The following CPLANE1 variants were observed in gnomAD, a reference collection of about 807,000 sequenced individuals.
CPLANE1 encodes the protein ciliogenesis and planar polarity effector 1.
CPLANE1 carries 263 observed loss-of-function variants against 362.5 expected under a neutral mutation model. The ratio of observed to expected loss-of-function variants is 0.73; its 90% CI spans 0.66 to 0.80. The LOEUF is 0.80. CPLANE1 is among the 30% of genes least tolerant of loss of function. The pLI is 0.00. For missense variants in CPLANE1, 3,461 were observed against 3,793.4 expected (o/e 0.91, Z 2.30); for synonymous variants, 1,212 against 1,302.6 (o/e 0.93, Z 1.50).
At chr5:37,174,302 AT>A (rs1290868342) in intron 31 of CPLANE1, among the ~76,000 whole-genome samples, 1 of 152,204 alleles carries the variant, frequency 6.6e-6, no homozygotes, top group East Asian at 1.9e-4. Flanking sequence ...AGACTTCACA[AT>A]TTGTAATTTG....
chr5:37,229,931 C>T (rs1166968145), intron 9 of CPLANE1, among the ~76,000 whole-genome samples: 5 of 152,092 alleles, frequency 3.3e-5, no homozygotes, highest in African/African-American at 1.2e-4. Context: ...ACTTCTAGCA[C>T]TTTGGGAGGC....
Position 37,164,341 on chromosome 5 carries a change from C to G in CPLANE1, c.7534-14G>C. 6.2e-7 allele frequency: 1 copy of G among 1,604,684 alleles called. No individual in the cohort carries two copies. Among genetic ancestry groups the G allele is most frequent in the Non-Finnish European group, 8.5e-7 (1 of 1,172,204 alleles). ...TTCTTGTTGTTCCTAAATGAATTCC[C>G]ACAGGATTACTCTATGATTAACTCA... On this transcript the variant is annotated splice_polypyrimidine_tract_variant and intron_variant, in intron 36 of 52. Transcript: ENST00000651892.
chr5:37,120,134 T>G, intron 50 of CPLANE1, 82 bp downstream of exon 50: 1 of 1,376,400 alleles, frequency 7.3e-7, no homozygotes. Flanking sequence ...GACTTATACC[T>G]TTTACTAATG....
chr5:37,078,487 T>G, the CPLANE1 span, among the ~76,000 whole-genome samples: 1 of 152,218 alleles, frequency 6.6e-6, no homozygotes, highest in African/African-American at 2.4e-5. Context: ...TATTTGCTAT[T>G]GTGAATAGTG....
rs1791936075 is a variant in CPLANE1, at chr5:37,209,380, A to G, written c.2921-2955T>C. 14 of 1,136,350 alleles carry G rather than the reference A, an allele frequency of 1.2e-5. No individual in the cohort carries two copies. The highest frequency in any genetic ancestry group is 1.9e-5 in the Non-Finnish European group (14 of 747,060). 70.4% of individuals were successfully genotyped at this position (1,136,350 alleles called of 1,614,324 possible). A position where few individuals can be genotyped will look rare whatever the true frequency, so the allele number is the denominator to read the frequency against. On this transcript the variant is annotated intron_variant, in intron 16 of 52. Coordinates refer to ENST00000651892, the MANE Select transcript of CPLANE1 (RefSeq NM_001384732.1). This position sits in a 1 kb window ranked among gnomAD's most constrained non-coding sequence, Gnocchi z 4.6. ...TGACGGCTGATGATGGCTCAGTCCA[A>G]CATGCTCCCCGTGGCTGATGTGTTG...
chr5:37,177,806 G>T (rs1323266282), intron 29 of CPLANE1, 106 bp from the exon 30 acceptor site: 2 of 804,602 alleles, frequency 2.5e-6, no homozygotes, highest in African/African-American at 1.7e-5. Flanking sequence ...AGTAACAACA[G>T]TCTACAAGCA....
At chr5:37,234,004 T>A (rs1311923854) in intron 8 of CPLANE1, among the ~76,000 whole-genome samples, 1 of 152,054 alleles carries the variant, frequency 6.6e-6, no homozygotes, top group Non-Finnish European at 1.5e-5. Context: ...CATACAAAGA[T>A]TACACTACTA....
At chr5:37,110,897 T>C (rs1759040529) in intron 51 of CPLANE1, among the ~76,000 whole-genome samples, 1 of 143,820 alleles carries the variant, frequency 7.0e-6, no homozygotes, top group Non-Finnish European at 1.5e-5. Context: ...AACCTCTGCC[T>C]CCCGGGTTCA....
rs149756610 is a variant in CPLANE1, at chr5:37,110,773, T to C, written c.9401-2302A>G. On this transcript the variant is annotated intron_variant, in intron 51 of 52. Coordinates refer to ENST00000651892, the MANE Select transcript of CPLANE1 (RefSeq NM_001384732.1). ...AATTGGCCCAAGATGATGGAGATGA[T>C]CCACCCCAGAACCTGGGCTAATGTA... is the stretch of plus-strand genomic sequence containing the variant. Among the ~76,000 whole-genome samples the C allele has an allele frequency of 8.5e-3, 1,287 of 151,258 alleles. 67 individuals carry two copies. The highest frequency in any genetic ancestry group is 0.079 in the Admixed American group (1,195 of 15,142).
chr5:37,206,812 G>A (rs577803237), intron 16 of CPLANE1, among the ~76,000 whole-genome samples: 58 of 151,724 alleles, frequency 3.8e-4, no homozygotes, highest in Non-Finnish European at 6.0e-4. Context: ...ATTTATTACC[G>A]TGACATGGGT....
rs1320208777 is a variant in CPLANE1, at chr5:37,186,269, G to A, written c.4189+17C>T. The A allele has an allele frequency of 8.2e-7, 1 of 1,216,770 alleles. No homozygotes were observed. The highest frequency in any genetic ancestry group is 1.2e-6 in the Non-Finnish European group (1 of 833,440). 75.4% of individuals were successfully genotyped at this position (1,216,770 alleles called of 1,614,324 possible). A position where few individuals can be genotyped will look rare whatever the true frequency, so the allele number is the denominator to read the frequency against. On this transcript the variant is annotated intron_variant, in intron 24 of 52. Transcript: ENST00000651892. ...TGCAATTTATCTGTTAGCTATCTGA[G>A]AAACAACAAATAATACCTTTCACAA...
rs2150820141 is a variant in CPLANE1, at chr5:37,163,093, T to C, written c.7589-527A>G. Among the ~76,000 whole-genome samples, 3 of 152,034 alleles carry C rather than the reference T, an allele frequency of 2.0e-5. No homozygotes were observed. In the South Asian group the frequency reaches 6.2e-4, roughly 31 times the overall value. On this transcript the variant is annotated intron_variant, in intron 37 of 52. Coordinates refer to ENST00000651892, the MANE Select transcript of CPLANE1 (RefSeq NM_001384732.1). ...GTCCAGCTTAGAAACCTAGATATTCTTCTGGCTAATGAAGATCCAGTAGAA... is the reference window on the plus strand; with the variant it reads ...GTCCAGCTTAGAAACCTAGATATTCCTCTGGCTAATGAAGATCCAGTAGAA...
chr5:37,150,768 G>C (rs1000420229), intron 42 of CPLANE1, among the ~76,000 whole-genome samples: 2 of 152,202 alleles, frequency 1.3e-5, no homozygotes, highest in African/African-American at 2.4e-5. Context: ...ACCTGGTATA[G>C]AGCTAGCAGC....
In CPLANE1 at chr5:37,226,832, A is replaced by T. The variant is rs1796571939; in HGVS notation, c.1763T>A (p.Val588Glu). 6.5e-7 allele frequency: 1 copy of T among 1,550,262 alleles called. No homozygotes were observed. Among genetic ancestry groups the T allele is most frequent in the Admixed American group, 2.0e-5 (1 of 50,760 alleles). Reference sequence around the variant, plus strand: ...ATTTAACATTAAATTTTTTTCTGTCACAGTTTTTGAAATTCCTATAGTCCA... The same window carrying T: ...ATTTAACATTAAATTTTTTTCTGTCTCAGTTTTTGAAATTCCTATAGTCCA... ...AAWTIGISKT[V>E]TEKNLMLNYI... is the part of the protein sequence containing the mutation. Residue 588 changes from valine (V) to glutamate (E), a missense_variant, in exon 12 of 53, where the codon GTG becomes GAG. Coordinates refer to ENST00000651892, the MANE Select transcript of CPLANE1 (RefSeq NM_001384732.1).
rs1783124765 is a variant in CPLANE1 at position 37,183,141 on chromosome 5, T to A, written c.5040A>T (p.Leu1680Phe). 3.1e-6 allele frequency: 5 copies of A among 1,613,068 alleles called. No homozygotes were observed. The highest frequency in any genetic ancestry group is 1.7e-4 in the Middle Eastern group (1 of 6,052). Reference sequence around the variant, plus strand: ...GTATTTTGTAAATTGACCTTTGTTTTAAACCAAATAATCCACTCATTCCTT... The same window carrying A: ...GTATTTTGTAAATTGACCTTTGTTTAAAACCAAATAATCCACTCATTCCTT... ...KNEGMSGLFG[L>F]KQRSIYKIQD... Residue 1680 changes from leucine (L) to phenylalanine (F), a missense_variant, in exon 26 of 53, where the codon TTA becomes TTT. Physicochemically the swap from Leu to Phe is conservative, Grantham distance 22. Around this residue, in one of 2 missense-constraint regions of CPLANE1, gnomAD observed 3,380 missense variants for 3,666.1 expected, o/e 0.92. Transcript: ENST00000651892.
Position 37,223,017 on chromosome 5 carries a change from A to G in CPLANE1, c.2581+1236T>C, listed in dbSNP as rs185969666. Among the ~76,000 whole-genome samples the G allele has an allele frequency of 1.1e-4, 17 of 152,330 alleles. No individual in the cohort carries two copies. The East Asian group carries it at 2.9e-3, about 26-fold the overall frequency. On this transcript the variant is annotated intron_variant, in intron 14 of 52. Coordinates refer to ENST00000651892, the MANE Select transcript of CPLANE1 (RefSeq NM_001384732.1). ...CTTAACTGATTCCACTGTCTTCAAG[A>G]TAAAATCTTAATTCCTTACCACTCC...
At chr5:37,186,199 T>C in intron 24 of CPLANE1, 87 bp downstream of exon 24, 1 of 735,232 alleles carries the variant, frequency 1.4e-6, no homozygotes, top group South Asian at 1.7e-5. Flanking sequence ...CATAGACACA[T>C]AAGCAACAGT....
chr5:37,170,300 T>C lies in CPLANE1; in HGVS notation c.6203A>G (p.Gln2068Arg). The change falls in exon 33 of 53, where the codon CAA (glutamine) becomes CGA (arginine). Residue 2068 changes from glutamine (Q) to arginine (R), a missense_variant. Gln to Arg is a conservative substitution (Grantham distance 43). Around this residue, in one of 2 missense-constraint regions of CPLANE1, gnomAD observed 3,380 missense variants for 3,666.1 expected, o/e 0.92. Coordinates refer to ENST00000651892, the MANE Select transcript of CPLANE1 (RefSeq NM_001384732.1). ...ATTAGCAAAGGATGATCCTACTATT[T>C]GCATTAGGCTCATGAAGTTGATCTG... is the stretch of plus-strand genomic sequence containing the variant. ...LQQINFMSLM[Q>R]IVGSSFANLP... The C allele has an allele frequency of 6.2e-7, 1 of 1,613,738 alleles. No individual in the cohort carries two copies. The highest frequency in any genetic ancestry group is 8.5e-7 in the Non-Finnish European group (1 of 1,179,668).
intron 16 of CPLANE1, chr5:37,210,855 G>A (rs553524671): frequency 1.2e-6 from 1 of 833,818 alleles, no homozygotes; most frequent in African/African-American, 1.7e-5. Context: ...GGTTGAGCAT[G>A]AGGAGTTCGA....
Sources: gnomAD v4.1 joint callset for allele counts (sites outside exome capture counted in the v4.1 genomes callset) on GRCh38, gnomAD v4.1.1 for gene constraint, gnomAD v4.1.1 regional missense constraint, Gnocchi (gnomAD v3.1) non-coding constraint, MANE v1.5 for transcripts, NCBI Gene and HGNC (gene_info 2026-07-23, HGNC 2026-07-21) for gene names.